The following TMPRSS15 variants were observed in gnomAD, a reference collection of about 807,000 sequenced individuals.
TMPRSS15 encodes transmembrane serine protease 15.
Under a neutral mutation model 125.3 loss-of-function variants are expected in TMPRSS15, and 128 were observed. The observed-to-expected ratio is 1.02, with a 90% confidence interval of 0.89 to 1.18. TMPRSS15 has a LOEUF of 1.18. Among genes scored for constraint, TMPRSS15 ranks in the 50% most tolerant of loss-of-function variants. TMPRSS15 has a pLI of 0.00. For synonymous variants in TMPRSS15, 446 were observed against 423.2 expected (o/e 1.05, Z -0.66); for missense variants, 1,283 against 1,212.7 (o/e 1.06, Z -0.86).
At chr21:18,336,161 C>T (rs1439401179) in intron 13 of TMPRSS15, among the ~76,000 whole-genome samples, 2 of 151,910 alleles carry the variant, frequency 1.3e-5, no homozygotes, top group Non-Finnish European at 2.9e-5. Flanking sequence ...GAGGTGTTTA[C>T]TGAGGGGTGG....
At chr21:18,479,621 C>T (rs527764051) in intron 1 of TMPRSS15, among the ~76,000 whole-genome samples, 2 of 151,784 alleles carry the variant, frequency 1.3e-5, no homozygotes, top group East Asian at 3.9e-4. Flanking sequence ...TTTATGTGGC[C>T]CACAAACATG....
chr21:18,343,445 T>C (rs1490564192), intron 12 of TMPRSS15, 61 bp downstream of exon 12: 2 of 1,437,154 alleles, frequency 1.4e-6, no homozygotes, highest in Admixed American at 3.5e-5. Flanking sequence ...TGTATCATTC[T>C]AAATATAATT....
At chr21:18,422,363 G>GT (rs1419391441) in intron 1 of TMPRSS15, among the ~76,000 whole-genome samples, 1 of 150,956 alleles carries the variant, frequency 6.6e-6, no homozygotes, top group Admixed American at 6.6e-5. Context: ...ACCTTCTTAT[G>GT]TTTATTTAAA....
intron 16 of TMPRSS15, among the ~76,000 whole-genome samples, chr21:18,324,228 G>C (rs747391255): frequency 6.6e-6 from 1 of 152,048 alleles, no homozygotes; most frequent in Non-Finnish European, 1.5e-5. Context: ...TTTCAGGAAT[G>C]TTTATTGTTT....
intron 18 of TMPRSS15, among the ~76,000 whole-genome samples, chr21:18,312,285 C>T (rs556508361): frequency 4.2e-4 from 63 of 151,570 alleles, no homozygotes; most frequent in African/African-American, 9.4e-4. Flanking sequence ...ACAAATATGG[C>T]GAAATTACAT....
chr21:18,399,153 C>T (rs140525335), intron 1 of TMPRSS15, among the ~76,000 whole-genome samples: 2 of 152,054 alleles, frequency 1.3e-5, no homozygotes, highest in East Asian at 3.9e-4. Flanking sequence ...ATAATTCTCA[C>T]AATAATCTGG....
In TMPRSS15 at chr21:18,416,188, C is replaced by T. The variant is rs111334449; in HGVS notation, c.11-17859G>A. Among the ~76,000 whole-genome samples the T allele has an allele frequency of 4.6e-3, 700 of 151,850 alleles. 9 individuals carry two copies. Among genetic ancestry groups the T allele is most frequent in the Middle Eastern group, 0.027 (8 of 292 alleles). On this transcript the variant is annotated intron_variant, in intron 1 of 7. Transcript: ENST00000422787. Reference sequence around the variant, plus strand: ...AAAACATGGCTTTCTATGGATTGGACGACTTAATATTGTTGAAATATAAAT... The same window carrying T: ...AAAACATGGCTTTCTATGGATTGGATGACTTAATATTGTTGAAATATAAAT...
rs945002535 is a variant in TMPRSS15, at chr21:18,328,008, G to T, written c.1780+1161C>A. On this transcript the variant is annotated intron_variant, in intron 15 of 24. Coordinates refer to ENST00000284885, the MANE Select transcript of TMPRSS15 (RefSeq NM_002772.3). ...ATAGAGGTTTCAGTGAGCTGAGATC[G>T]CACCACTGCACTCCAGCCTGGGTGA... 3.2e-4 allele frequency among the ~76,000 whole-genome samples: 49 copies of T among 152,024 alleles called. 1 individual carries two copies. The highest frequency in any genetic ancestry group is 4.6e-4 in the Admixed American group (7 of 15,264).
intron 1 of TMPRSS15, among the ~76,000 whole-genome samples, chr21:18,430,687 G>C (rs1313174215): frequency 1.3e-5 from 2 of 152,132 alleles, no homozygotes; most frequent in African/African-American, 4.8e-5. Flanking sequence ...TCTTATGCAA[G>C]TTTGTGATCA....
chr21:18,412,352 G>A (rs936382502), intron 1 of TMPRSS15, among the ~76,000 whole-genome samples: 2 of 152,142 alleles, frequency 1.3e-5, no homozygotes, highest in African/African-American at 4.8e-5. Flanking sequence ...TTCCACATCC[G>A]CTTGCTAAGT....
At chr21:18,426,274 G>A (rs2076202458) in intron 1 of TMPRSS15, among the ~76,000 whole-genome samples, 1 of 152,090 alleles carries the variant, frequency 6.6e-6, no homozygotes, top group Non-Finnish European at 1.5e-5. Flanking sequence ...AAATACCAAG[G>A]AGTAGTATAG....
intron 1 of TMPRSS15, among the ~76,000 whole-genome samples, chr21:18,460,203 G>A (rs1978526305): frequency 6.6e-6 from 1 of 151,982 alleles, no homozygotes; most frequent in Non-Finnish European, 1.5e-5. Context: ...AAAATGAGTT[G>A]TCAGAGAAAA....
At chr21:18,295,959 T>C (rs1247118969) in intron 19 of TMPRSS15, among the ~76,000 whole-genome samples, 2 of 152,138 alleles carry the variant, frequency 1.3e-5, no homozygotes, top group African/African-American at 4.8e-5. Context: ...GAGACCATCC[T>C]GGCTAACACG....
intron 5 of TMPRSS15, among the ~76,000 whole-genome samples, chr21:18,373,251 ACTT>A (rs1046535353): frequency 1.3e-5 from 2 of 152,146 alleles, no homozygotes; most frequent in Non-Finnish European, 2.9e-5. Flanking sequence ...CTACTAAGTT[ACTT>A]CTTAATTAAA....
intron 18 of TMPRSS15, among the ~76,000 whole-genome samples, chr21:18,305,208 A>ATTTT (rs1476663166): frequency 3.7e-4 from 3 of 8,120 alleles, no homozygotes; most frequent in Admixed American, 1.2e-3. Flanking sequence ...TTTTTTTTTG[A>ATTTT]GACGGAGTCT....
chr21:18,466,685 G>A (rs907126454), intron 1 of TMPRSS15, among the ~76,000 whole-genome samples: 1 of 152,140 alleles, frequency 6.6e-6, no homozygotes, highest in Non-Finnish European at 1.5e-5. Flanking sequence ...GGTCACTAGA[G>A]AAATGCAAAT....
At chr21:18,315,090 G>A in intron 17 of TMPRSS15, 56 bp downstream of exon 17, 1 of 1,329,478 alleles carries the variant, frequency 7.5e-7, no homozygotes, top group Non-Finnish European at 1.1e-6. Context: ...TGACACTGTA[G>A]AGTCCAAATG....
intron 23 of TMPRSS15, among the ~76,000 whole-genome samples, chr21:18,278,678 C>T (rs561650799): frequency 6.6e-6 from 1 of 152,164 alleles, no homozygotes; most frequent in African/African-American, 2.4e-5. Context: ...GTCAAGATGG[C>T]GCCACTGCAC....
chr21:18,475,561 C>T (rs1978865164), intron 1 of TMPRSS15, among the ~76,000 whole-genome samples: 1 of 152,170 alleles, frequency 6.6e-6, no homozygotes, highest in Admixed American at 6.5e-5. Flanking sequence ...CACTGCACTC[C>T]AGCCTGGATG....
Sources: allele counts gnomAD v4.1 joint callset (sites outside exome capture counted in the v4.1 genomes callset), GRCh38; gene constraint gnomAD v4.1.1; transcripts MANE v1.5; gene names NCBI Gene and HGNC (gene_info 2026-07-23, HGNC 2026-07-21).